Variants in SMIM13 observed in about 807,000 individuals in gnomAD.
SMIM13 encodes the protein small integral membrane protein 13.
SMIM13 carries 3 observed loss-of-function variants against 5.9 expected under a neutral mutation model. That is an observed-to-expected ratio of 0.51 (90% confidence interval 0.23 to 1.31). SMIM13 has a LOEUF of 1.31. Ranked by LOEUF, SMIM13 falls within the 40% of genes most tolerant of loss-of-function variation. The probability of loss-of-function intolerance (pLI) is 0.18; values close to 1 mark genes in which losing one functional copy is unlikely to be tolerated. For synonymous variants in SMIM13, 55 were observed against 46.0 expected (o/e 1.19, Z -0.79); for missense variants, 85 against 109.9 (o/e 0.77, Z 1.01).
chr6:11,134,552 G>C lies in SMIM13; in HGVS notation c.226G>C (p.Ala76Pro), dbSNP rs746266495. The change falls in exon 2 of 2, where the codon GCT (alanine) becomes CCT (proline). Residue 76 changes from alanine (A) to proline (P), a missense_variant. Physicochemically the swap from Ala to Pro is conservative, Grantham distance 27. Coordinates refer to ENST00000416247, the MANE Select transcript of SMIM13 (RefSeq NM_001135575.2). The stretch of plus-strand genomic sequence containing the variant: ...CTCCTCTCCACACAGAATCAGATCC[G>C]CTCGCCAAAGGAGGGCACCTGCTGA... ...TSSSPHRIRS[A>P]RQRRAPADEG... is the part of the protein sequence containing the mutation. The C allele has an allele frequency of 2.8e-5, 43 of 1,549,616 alleles. No individual in the cohort carries two copies. In the South Asian group the frequency reaches 3.1e-4, roughly 11 times the overall value.
At chr6:11,130,099 C>A (rs927969546) in intron 1 of SMIM13, among the ~76,000 whole-genome samples, 4 of 152,078 alleles carry the variant, frequency 2.6e-5, no homozygotes, top group African/African-American at 9.7e-5. Context: ...TCCTGTCTGT[C>A]CCCAAAATTA....
chr6:11,104,698 A>C (rs760765071), intron 1 of SMIM13: 1 of 1,614,238 alleles, frequency 6.2e-7, no homozygotes, highest in Non-Finnish European at 8.5e-7. Flanking sequence ...CGGAACCAGA[A>C]GTTTCGAGTA....
Position 11,103,424 on chromosome 6 carries a change from T to C in SMIM13, c.76+9035T>C, listed in dbSNP as rs542789033. 2.7e-4 allele frequency: 119 copies of C among 437,672 alleles called. No individual in the cohort carries two copies. In the East Asian group the frequency reaches 4.3e-3, roughly 16 times the overall value. The allele number at this position is 437,672 out of a possible 1,614,324, so 27.1% of individuals were successfully genotyped here. ...AGGGGGCCCTCCCCTGCCCTGCTCA[T>C]GTCTGACTAGCTACCTGCTCCAACA... is the stretch of plus-strand genomic sequence containing the variant. On this transcript the variant is annotated intron_variant, in intron 1 of 1. Coordinates refer to ENST00000416247, the MANE Select transcript of SMIM13 (RefSeq NM_001135575.2).
intron 1 of SMIM13, among the ~76,000 whole-genome samples, chr6:11,117,761 T>C (rs1758260561): frequency 1.3e-5 from 2 of 150,220 alleles, no homozygotes; most frequent in South Asian, 4.2e-4. Flanking sequence ...TTTTTTTTTT[T>C]CTTTTTAAGA....
At chr6:11,095,453 C>T (rs1264751222) in intron 1 of SMIM13, among the ~76,000 whole-genome samples, 2 of 152,222 alleles carry the variant, frequency 1.3e-5, no homozygotes, top group African/African-American at 2.4e-5. Flanking sequence ...TTAAGTGATT[C>T]TCCTGCCTCA....
rs369585109 is a variant in SMIM13 at position 11,104,608 on chromosome 6, T to G, written c.76+10219T>G. 128 of 1,614,120 alleles carry G rather than the reference T, an allele frequency of 7.9e-5. 1 individual carries two copies. In the East Asian group the frequency reaches 1.3e-3, roughly 17 times the overall value. ...GTTTTATTTTCCCAAAAAAGAGAAT[T>G]TCGAGTTTGGTCCAATAGAACCCAT... On this transcript the variant is annotated intron_variant, in intron 1 of 1. Transcript: ENST00000416247.
rs561983368 is a variant in SMIM13, at chr6:11,133,356, A to G, written c.77-1047A>G. 2.8e-4 allele frequency among the ~76,000 whole-genome samples: 42 copies of G among 152,306 alleles called. 1 individual carries two copies. In the South Asian group the frequency reaches 3.9e-3, roughly 14 times the overall value. On this transcript the variant is annotated intron_variant, in intron 1 of 1. Coordinates refer to ENST00000416247, the MANE Select transcript of SMIM13 (RefSeq NM_001135575.2). ...ATCTCCGAAGTTTGTCTTTAGTGTCAAGGGGTTTATAGTAATTTTTTTTCC... is the reference window on the plus strand; with the variant it reads ...ATCTCCGAAGTTTGTCTTTAGTGTCGAGGGGTTTATAGTAATTTTTTTTCC...
At chr6:11,121,825 G>T (rs1758313971) in intron 1 of SMIM13, among the ~76,000 whole-genome samples, 1 of 152,204 alleles carries the variant, frequency 6.6e-6, no homozygotes, top group Non-Finnish European at 1.5e-5. Context: ...TATCCATTAT[G>T]TTGGTCATCA....
chr6:11,111,282 A>G (rs918168940), intron 1 of SMIM13, among the ~76,000 whole-genome samples: 1 of 152,228 alleles, frequency 6.6e-6, no homozygotes, highest in Non-Finnish European at 1.5e-5. Context: ...AGTTGGTCCA[A>G]TGGGTGTGCG....
intron 1 of SMIM13, among the ~76,000 whole-genome samples, chr6:11,122,013 A>G (rs1419323418): frequency 6.6e-6 from 1 of 152,192 alleles, no homozygotes; most frequent in Non-Finnish European, 1.5e-5. Context: ...TGTTCTGTCT[A>G]TCCCCCATGG....
At chr6:11,104,704 G>C in intron 1 of SMIM13, 1 of 1,614,206 alleles carries the variant, frequency 6.2e-7, no homozygotes, top group South Asian at 1.1e-5. Context: ...CAGAAGTTTC[G>C]AGTACTGCAT....
At chr6:11,103,672 G>A (rs1758033050) in intron 1 of SMIM13, 1 of 1,524,212 alleles carries the variant, frequency 6.6e-7, no homozygotes, top group African/African-American at 1.4e-5. Flanking sequence ...TGTTCCACTA[G>A]CGAGCAGTCT....
intron 1 of SMIM13, chr6:11,104,249 G>GA: frequency 6.4e-7 from 1 of 1,551,722 alleles, no homozygotes; most frequent in Non-Finnish European, 8.7e-7. Flanking sequence ...GAAGGGGAAT[G>GA]AAATGGATTG....
chr6:11,094,257 C>G lies in SMIM13; in HGVS notation c.-57C>G. 1 of 1,140,634 alleles carries G rather than the reference C, an allele frequency of 8.8e-7. No homozygotes were observed. The highest frequency in any genetic ancestry group is 1.1e-6 in the Non-Finnish European group (1 of 883,530). 70.7% of individuals were successfully genotyped at this position (1,140,634 alleles called of 1,614,324 possible). On this transcript the variant is annotated 5_prime_UTR_variant, in exon 1 of 2. Transcript: ENST00000416247. ...CTGAAGCGCAGGACGCGCCGCCGCC[C>G]GCGCTCACCGCCGTCCGCGCCAGCC...
intron 1 of SMIM13, among the ~76,000 whole-genome samples, chr6:11,111,020 G>A (rs1343556969): frequency 6.6e-6 from 1 of 152,168 alleles, no homozygotes; most frequent in Non-Finnish European, 1.5e-5. Flanking sequence ...CAGAGCTAAG[G>A]TTCTGATTAG....
Position 11,094,000 on chromosome 6 carries a change from C to T in SMIM13, c.-314C>T, listed in dbSNP as rs1030700630. The T allele has an allele frequency of 4.6e-5, 7 of 152,416 alleles. No individual in the cohort carries two copies. Among genetic ancestry groups the T allele is most frequent in the African/African-American group, 1.4e-4 (6 of 41,466 alleles). The allele number at this position is 152,416 out of a possible 1,614,324, so 9.4% of individuals were successfully genotyped here. ...GCGTCCGCCATGGAAGCGCATCCGACCGCTGGGGTCTCTGGGTGCCGCGGC... is the reference window on the plus strand; with the variant it reads ...GCGTCCGCCATGGAAGCGCATCCGATCGCTGGGGTCTCTGGGTGCCGCGGC... On this transcript the variant is annotated 5_prime_UTR_variant, in exon 1 of 2. Transcript: ENST00000416247.
intron 1 of SMIM13, chr6:11,104,474 G>T: frequency 1.1e-5 from 17 of 1,552,756 alleles, no homozygotes; most frequent in Non-Finnish European, 1.5e-5. Flanking sequence ...AGGGGGTGAG[G>T]GAGGTTCCAA....
intron 1 of SMIM13, among the ~76,000 whole-genome samples, chr6:11,101,821 C>T (rs1383639382): frequency 6.6e-6 from 1 of 150,906 alleles, no homozygotes; most frequent in East Asian, 1.9e-4. Context: ...CTCACTGCAA[C>T]TTCCCCCTCC....
rs550762121 is a variant in SMIM13 at position 11,107,661 on chromosome 6, C to T, written c.76+13272C>T. ...TCTAAGACTGGAAACCACTGAGCAT[C>T]TGGAGGTTGGGGAAGAATTACATAT... On this transcript the variant is annotated intron_variant, in intron 1 of 1. Transcript: ENST00000416247. 4.6e-5 allele frequency among the ~76,000 whole-genome samples: 7 copies of T among 152,316 alleles called. No individual in the cohort carries two copies. The South Asian group carries it at 1.4e-3, about 32-fold the overall frequency.
Sources: allele counts gnomAD v4.1 joint callset (sites outside exome capture counted in the v4.1 genomes callset), GRCh38; gene constraint gnomAD v4.1.1; transcripts MANE v1.5; gene names NCBI Gene and HGNC (gene_info 2026-07-23, HGNC 2026-07-21).